Variants in CCDC180 observed in about 807,000 individuals in gnomAD.
CCDC180 encodes the protein coiled-coil domain-containing protein 180.
Under a neutral mutation model 209.2 loss-of-function variants are expected in CCDC180, and 154 were observed. The ratio of observed to expected loss-of-function variants is 0.74; its 90% CI spans 0.65 to 0.84. The LOEUF (loss-of-function observed/expected upper bound fraction) is 0.84. Among genes scored for constraint, CCDC180 ranks in the 40% least tolerant of loss-of-function variants. The pLI is 0.00. For missense variants in CCDC180, 1,874 were observed against 1,997.3 expected, an observed-to-expected ratio of 0.94 and a Z score of 1.18; for synonymous variants, 778 against 749.1, an observed-to-expected ratio of 1.04 and a Z score of -0.63.
rs1476495685 is a variant in CCDC180, at chr9:97,366,142, G to A, written c.4047+403G>A. Among the ~76,000 whole-genome samples the A allele has an allele frequency of 1.3e-5, 2 of 152,228 alleles. No individual in the cohort carries two copies. Among genetic ancestry groups the A allele is most frequent in the African/African-American group, 4.8e-5 (2 of 41,468 alleles). ...CCACATGCCCTGCACCGTAGTGCGA[G>A]TGCCTTCTCCTGTCTGCCTCCCACG... On this transcript the variant is annotated intron_variant, in intron 30 of 36. Transcript: ENST00000529487. The surrounding 1 kb of genome is among the most constrained non-coding windows in gnomAD (Gnocchi z 4.3).
intron 14 of CCDC180, among the ~76,000 whole-genome samples, chr9:97,326,238 G>C (rs1020730349): frequency 6.6e-6 from 1 of 152,194 alleles, no homozygotes; most frequent in Non-Finnish European, 1.5e-5. Flanking sequence ...GAAGAAGAGC[G>C]AGGAGCAGGT....
rs375887189 is a variant in CCDC180 at position 97,313,332 on chromosome 9, C to T, written c.446C>T (p.Ala149Val). 83 of 1,609,022 alleles carry T rather than the reference C, an allele frequency of 5.2e-5. No individual in the cohort carries two copies. The highest frequency in any genetic ancestry group is 6.1e-5 in the Non-Finnish European group (72 of 1,176,224). ...SALASFQEEI[A>V]QVGKEMEPLI... ...CTGGCCAGCTTTCAGGAGGAGATTG[C>T]GCAGGTGGGAAAGGTGAGAATCCTC... The change falls in exon 5 of 37, where the codon GCG becomes GTG. Residue 149 changes from alanine to valine, a missense_variant. Ala to Val is a moderately conservative substitution (Grantham distance 64). Coordinates refer to ENST00000529487, the MANE Select transcript of CCDC180 (RefSeq NM_020893.6).
At chr9:97,371,307 T>C (rs1827095643) in intron 33 of CCDC180, 1 of 252,408 alleles carries the variant, frequency 4.0e-6, no homozygotes, top group Non-Finnish European at 7.6e-6. Flanking sequence ...AATTACAAAA[T>C]TACTGACGAT....
chr9:97,329,841 G>C (rs1273164321), intron 16 of CCDC180, among the ~76,000 whole-genome samples: 1 of 152,122 alleles, frequency 6.6e-6, no homozygotes, highest in African/African-American at 2.4e-5. Flanking sequence ...GGCCGAGGCG[G>C]GCGGATCACG....
At chr9:97,342,838 C>G (rs1826127665) in intron 18 of CCDC180, among the ~76,000 whole-genome samples, 1 of 152,210 alleles carries the variant, frequency 6.6e-6, no homozygotes, top group Admixed American at 6.5e-5. Context: ...GGAAGTAACT[C>G]TCATAAAATA....
intron 12 of CCDC180, 60 bp downstream of exon 12, chr9:97,322,981 C>T: frequency 1.4e-6 from 2 of 1,399,162 alleles, no homozygotes; most frequent in Non-Finnish European, 2.0e-6. Context: ...GAAGTGCCTT[C>T]CCTGGCCCCA....
At chr9:97,361,537 A>T (rs1826752069) in intron 26 of CCDC180, among the ~76,000 whole-genome samples, 189 bp from the exon 27 acceptor site, 1 of 152,226 alleles carries the variant, frequency 6.6e-6, no homozygotes, top group Admixed American at 6.5e-5. Flanking sequence ...GAATAAACGG[A>T]TGAATGAATG....
chr9:97,307,851 T>C, intron 1 of CCDC180, 45 bp downstream of exon 1: 1 of 1,610,920 alleles, frequency 6.2e-7, no homozygotes, highest in Middle Eastern at 1.7e-4. Flanking sequence ...TAAGTCGACG[T>C]TCCCCAGCCG....
chr9:97,368,307 C>T (rs1198082401), intron 31 of CCDC180, among the ~76,000 whole-genome samples: 1 of 152,176 alleles, frequency 6.6e-6, no homozygotes, highest in Admixed American at 6.5e-5. Flanking sequence ...GCCCTAGGGG[C>T]ATTTGCTGAC....
intron 20 of CCDC180, 49 bp from the exon 21 acceptor site, chr9:97,349,062 T>G: frequency 6.6e-7 from 1 of 1,506,746 alleles, no homozygotes; most frequent in East Asian, 2.5e-5. Context: ...AGCAATGTGC[T>G]GAGGTGAATC....
chr9:97,371,387 C>T, intron 33 of CCDC180: 1 of 402,760 alleles, frequency 2.5e-6, no homozygotes. Flanking sequence ...TGTCCCTTGG[C>T]CGTTTCTGAA....
upstream of CCDC180, chr9:97,307,479 G>A: frequency 1.7e-6 from 1 of 595,240 alleles, no homozygotes; most frequent in Non-Finnish European, 3.1e-6. Context: ...GGCGGGCTAG[G>A]GAGGGGGATG....
intron 34 of CCDC180, chr9:97,373,111 CAG>C (rs1343639068): frequency 6.6e-6 from 1 of 152,190 alleles, no homozygotes; most frequent in African/African-American, 2.4e-5. Context: ...GAGACAGAGA[CAG>C]AGAGACAGGT....
upstream of CCDC180, chr9:97,307,474 G>T: frequency 1.7e-6 from 1 of 594,220 alleles, no homozygotes; most frequent in Non-Finnish European, 3.1e-6. Flanking sequence ...TACTTGGCGG[G>T]CTAGGGAGGG....
intron 18 of CCDC180, among the ~76,000 whole-genome samples, chr9:97,331,897 G>A (rs1032527689): frequency 6.6e-6 from 1 of 152,182 alleles, no homozygotes; most frequent in African/African-American, 2.4e-5. Context: ...AAGCTCTTTA[G>A]TTTAATTAGG....
intron 18 of CCDC180, among the ~76,000 whole-genome samples, chr9:97,340,826 A>G (rs759011294): frequency 6.6e-6 from 1 of 152,262 alleles, no homozygotes; most frequent in East Asian, 1.9e-4. Context: ...GGGAGTTTAG[A>G]GAAGAGTCTG....
chr9:97,341,376 A>G (rs1449834498), intron 18 of CCDC180, among the ~76,000 whole-genome samples: 1 of 152,102 alleles, frequency 6.6e-6, no homozygotes, highest in Non-Finnish European at 1.5e-5. Context: ...TGGACCCTAC[A>G]GTTGATGTTG....
chr9:97,335,423 A>G (rs1252176475), intron 18 of CCDC180, among the ~76,000 whole-genome samples: 1 of 152,058 alleles, frequency 6.6e-6, no homozygotes, highest in Non-Finnish European at 1.5e-5. Flanking sequence ...GTGAGAACAT[A>G]CAGTGTTTGG....
intron 21 of CCDC180, 67 bp downstream of exon 21, chr9:97,349,358 C>G: frequency 7.3e-7 from 1 of 1,372,566 alleles, no homozygotes; most frequent in Non-Finnish European, 9.9e-7. Flanking sequence ...CTGCTGCTTT[C>G]AAAGGAGCCC....
Sources: allele counts gnomAD v4.1 joint callset (sites outside exome capture counted in the v4.1 genomes callset), GRCh38; gene constraint gnomAD v4.1.1; non-coding constraint Gnocchi (gnomAD v3.1); transcripts MANE v1.5; gene names NCBI Gene and HGNC (gene_info 2026-07-23, HGNC 2026-07-21).